The following LIMCH1 variants were observed in gnomAD, a reference collection of about 807,000 sequenced individuals.
LIMCH1 encodes the protein LIM and calponin homology domains-containing protein 1.
LIMCH1 carries 113 observed loss-of-function variants against 176.5 expected under a neutral mutation model. The observed-to-expected ratio is 0.64, with a 90% CI of 0.55 to 0.75. The LOEUF is 0.75. Ranked by LOEUF, LIMCH1 falls within the 30% of genes least tolerant of loss-of-function variation. The probability of loss-of-function intolerance (pLI) is 0.00; values close to 1 mark genes in which losing one functional copy is unlikely to be tolerated. For synonymous variants in LIMCH1, 619 were observed against 645.9 expected, an observed-to-expected ratio of 0.96 and a Z score of 0.63; for missense variants, 1,674 against 1,814.9, an observed-to-expected ratio of 0.92 and a Z score of 1.41.
At chr4:41,572,486 A>G (rs149955683) in intron 1 of LIMCH1, among the ~76,000 whole-genome samples, 9 of 152,308 alleles carry the variant, frequency 5.9e-5, no homozygotes, top group African/African-American at 2.2e-4. Context: ...AATTTGAGTG[A>G]TGTGGAATTT....
At chr4:41,536,165 A>T (rs183750289), upstream of LIMCH1, among the ~76,000 whole-genome samples, 1 of 152,202 alleles carries the variant, frequency 6.6e-6, no homozygotes, top group Admixed American at 6.5e-5. Context: ...AATTCTTAGC[A>T]TGTATTCCAA....
chr4:41,583,213 G>A (rs2085835068), intron 1 of LIMCH1, among the ~76,000 whole-genome samples: 1 of 152,142 alleles, frequency 6.6e-6, no homozygotes, highest in Admixed American at 6.6e-5. Context: ...ACACCTTATA[G>A]GGCCTTAGTA....
At chr4:41,609,401 G>C (rs184756564) in intron 4 of LIMCH1, among the ~76,000 whole-genome samples, 14 of 152,284 alleles carry the variant, frequency 9.2e-5, no homozygotes, top group Non-Finnish European at 4.4e-5. Context: ...CTGTCACACA[G>C]AAGATGCTCA....
At chr4:41,377,410 A>G (rs760410295) in intron 1 of LIMCH1, among the ~76,000 whole-genome samples, 11 of 152,298 alleles carry the variant, frequency 7.2e-5, no homozygotes, top group African/African-American at 2.6e-4. Flanking sequence ...GGCCAAGTCC[A>G]AAGTCAGTGG....
chr4:41,585,157 C>A (rs966108261), intron 1 of LIMCH1, among the ~76,000 whole-genome samples: 1 of 152,134 alleles, frequency 6.6e-6, no homozygotes, highest in Non-Finnish European at 1.5e-5. Flanking sequence ...TTTTCATCAT[C>A]ACAAACTAAA....
intron 1 of LIMCH1, chr4:41,494,509 G>A (rs769384585): frequency 1.3e-6 from 2 of 1,577,118 alleles, no homozygotes; most frequent in Middle Eastern, 1.7e-4. Context: ...AAAAACTTAT[G>A]TGCTCTTTTT....
chr4:41,540,608 G>A (rs778133512), intron 1 of LIMCH1, among the ~76,000 whole-genome samples: 2 of 152,038 alleles, frequency 1.3e-5, no homozygotes, highest in Non-Finnish European at 2.9e-5. Flanking sequence ...GTGTGGTGAT[G>A]GGCACCTGTA....
At chr4:41,475,087 T>G (rs987590353) in intron 1 of LIMCH1, among the ~76,000 whole-genome samples, 1 of 152,192 alleles carries the variant, frequency 6.6e-6, no homozygotes, top group Non-Finnish European at 1.5e-5. Flanking sequence ...TTTCAGGAGT[T>G]TAGTGGAGAC....
At chr4:41,407,006 A>G (rs1379594019) in intron 1 of LIMCH1, among the ~76,000 whole-genome samples, 1 of 152,068 alleles carries the variant, frequency 6.6e-6, no homozygotes, top group Non-Finnish European at 1.5e-5. Flanking sequence ...ATATGCACCT[A>G]TCATTGTTGG....
rs541216498 is a variant in LIMCH1, at chr4:41,508,151, G to C, written c.167+13545G>C. On this transcript the variant is annotated intron_variant, in intron 2 of 26. Transcript: ENST00000313860. The stretch of plus-strand genomic sequence containing the variant: ...GAAAACCAGTGGGGCAATGGTATGA[G>C]ATCAGTGTGGATGGAGAGAAGTAGT... Among the ~76,000 whole-genome samples the C allele has an allele frequency of 3.4e-4, 52 of 152,280 alleles. 1 individual carries two copies. Among genetic ancestry groups the C allele is most frequent in the African/African-American group, 1.3e-3 (52 of 41,550 alleles).
chr4:41,667,416 G>A (rs2094866018), intron 21 of LIMCH1, among the ~76,000 whole-genome samples: 4 of 150,636 alleles, frequency 2.7e-5, no homozygotes, highest in Non-Finnish European at 4.4e-5. Flanking sequence ...AGAAACGTGT[G>A]TGTGTGTGTA....
intron 2 of LIMCH1, among the ~76,000 whole-genome samples, chr4:41,505,241 C>T (rs759936954): frequency 4.6e-5 from 7 of 152,140 alleles, no homozygotes; most frequent in Non-Finnish European, 5.9e-5. Context: ...TGCTTGGCAC[C>T]CTGTACCACT....
At chr4:41,516,115 T>G (rs1434400593) in intron 2 of LIMCH1, among the ~76,000 whole-genome samples, 2 of 152,196 alleles carry the variant, frequency 1.3e-5, no homozygotes, top group Non-Finnish European at 2.9e-5. Context: ...GGTTCATTGA[T>G]CATATGTTTC....
At chr4:41,576,790 TTA>T (rs2084546786) in intron 1 of LIMCH1, among the ~76,000 whole-genome samples, 1 of 152,180 alleles carries the variant, frequency 6.6e-6, no homozygotes, top group Non-Finnish European at 1.5e-5. Context: ...ATGGCATTCT[TTA>T]TCTTATCTTT....
intron 26 of LIMCH1, 68 bp from the exon 27 acceptor site, chr4:41,684,329 A>T: frequency 6.8e-7 from 1 of 1,463,298 alleles, no homozygotes; most frequent in Admixed American, 2.0e-5. Flanking sequence ...CCTTTAAGTT[A>T]TAGGACCAAG....
chr4:41,689,835 G>A, intron 30 of LIMCH1, 200 bp downstream of exon 30: 2 of 455,814 alleles, frequency 4.4e-6, no homozygotes, highest in East Asian at 6.8e-5. Flanking sequence ...AAGCAGAAAG[G>A]TTTGTGCAAT....
chr4:41,601,196 A>G (rs2089859666), intron 2 of LIMCH1, among the ~76,000 whole-genome samples: 1 of 152,228 alleles, frequency 6.6e-6, no homozygotes, highest in African/African-American at 2.4e-5. Context: ...ATGAACTCAG[A>G]TAGCCAAGGT....
intron 1 of LIMCH1, among the ~76,000 whole-genome samples, chr4:41,545,697 G>A (rs1242387606): frequency 2.0e-5 from 3 of 152,184 alleles, no homozygotes; most frequent in African/African-American, 7.2e-5. Context: ...CAATAAATGA[G>A]TGAGTGATCA....
intron 31 of LIMCH1, chr4:41,692,793 T>G: frequency 5.9e-6 from 1 of 170,358 alleles, no homozygotes; most frequent in Non-Finnish European, 1.3e-5. Flanking sequence ...CACCAACTCA[T>G]CAATGTCTCC....
Sources: gnomAD v4.1 joint callset for allele counts (sites outside exome capture counted in the v4.1 genomes callset) on GRCh38, gnomAD v4.1.1 for gene constraint, MANE v1.5 for transcripts, NCBI Gene and HGNC (gene_info 2026-07-23, HGNC 2026-07-21) for gene names.